Variants in TRPM3 observed in about 807,000 individuals in gnomAD.
The protein encoded by TRPM3 is long transient receptor potential channel 3.
Under a neutral mutation model 181.2 loss-of-function variants are expected in TRPM3, and 77 were observed. The ratio of observed to expected loss-of-function variants is 0.42; its 90% CI spans 0.35 to 0.51. TRPM3 has a LOEUF of 0.51. Among genes scored for constraint, TRPM3 ranks in the 20% least tolerant of loss-of-function variants. TRPM3 has a pLI of 0.01. For synonymous variants in TRPM3, 745 were observed against 796.4 expected (o/e 0.94, Z 1.09); for missense variants, 1,759 against 2,196.7 (o/e 0.80, Z 3.98).
intron 1 of TRPM3, among the ~76,000 whole-genome samples, chr9:71,038,112 T>C (rs1471691942): frequency 6.6e-6 from 1 of 152,220 alleles, no homozygotes; most frequent in Non-Finnish European, 1.5e-5. Context: ...GAGTCTAAAG[T>C]GTTTTCAAAC....
At chr9:70,912,037 T>G (rs1414419905) in intron 1 of TRPM3, among the ~76,000 whole-genome samples, 1 of 152,150 alleles carries the variant, frequency 6.6e-6, no homozygotes, top group East Asian at 1.9e-4. Flanking sequence ...AACAGAAGGA[T>G]GTCTAAAGAA....
intron 8 of TRPM3, among the ~76,000 whole-genome samples, chr9:70,742,287 T>C (rs989614017): frequency 2.0e-5 from 3 of 152,164 alleles, no homozygotes; most frequent in Admixed American, 1.3e-4. Flanking sequence ...TTATTTTCTA[T>C]ATTTCTACAA....
chr9:70,776,153 T>A (rs2081315534), intron 7 of TRPM3: 1 of 280,950 alleles, frequency 3.6e-6, no homozygotes, highest in Admixed American at 5.3e-5. Flanking sequence ...TATCCCAGCT[T>A]TGACAGAGTA....
At chr9:70,759,130 T>G (rs1265694564) in intron 8 of TRPM3, among the ~76,000 whole-genome samples, 4 of 152,084 alleles carry the variant, frequency 2.6e-5, no homozygotes, top group East Asian at 3.8e-4. Flanking sequence ...TAAACACGTT[T>G]ACAAGAAAAA....
chr9:71,188,286 A>G (rs2134976504), intron 1 of TRPM3, among the ~76,000 whole-genome samples: 1 of 152,052 alleles, frequency 6.6e-6, no homozygotes, highest in African/African-American at 2.4e-5. Context: ...ACTGGATACC[A>G]TCAAGCATCT....
chr9:71,166,747 G>A (rs1313114296), intron 1 of TRPM3, among the ~76,000 whole-genome samples: 1 of 152,210 alleles, frequency 6.6e-6, no homozygotes, highest in South Asian at 2.1e-4. Context: ...TGTTAATGTA[G>A]AAGCTCAAAT....
chr9:70,807,146 G>A (rs894901541), intron 6 of TRPM3, among the ~76,000 whole-genome samples: 12 of 152,306 alleles, frequency 7.9e-5, no homozygotes, highest in African/African-American at 2.9e-4. Flanking sequence ...CTACTAAATG[G>A]AATGATCCTG....
intron 1 of TRPM3, among the ~76,000 whole-genome samples, chr9:71,236,945 G>T (rs1467778704): frequency 1.3e-5 from 2 of 151,194 alleles, no homozygotes; most frequent in Non-Finnish European, 2.9e-5. Flanking sequence ...TACTTGGGAG[G>T]CTGAGGCATA....
At chr9:70,694,377 A>G (rs575944386) in intron 8 of TRPM3, among the ~76,000 whole-genome samples, 1 of 152,314 alleles carries the variant, frequency 6.6e-6, no homozygotes, top group Non-Finnish European at 1.5e-5. Context: ...AGAATGGTAG[A>G]AAATCAGCAT....
chr9:70,657,790 G>T (rs1439972639), intron 9 of TRPM3, among the ~76,000 whole-genome samples: 1 of 152,048 alleles, frequency 6.6e-6, no homozygotes, highest in Non-Finnish European at 1.5e-5. Context: ...CACATCTTCG[G>T]GTCTGGTAGA....
intron 1 of TRPM3, among the ~76,000 whole-genome samples, chr9:70,954,751 A>T (rs7045458): frequency 0.017 from 2,626 of 152,276 alleles, 82 homozygotes; most frequent in African/African-American, 0.058. Flanking sequence ...GCAACACTGC[A>T]CCAGCTTGTC....
intron 8 of TRPM3, among the ~76,000 whole-genome samples, chr9:70,699,348 C>G (rs893944308): frequency 2.0e-5 from 3 of 152,038 alleles, no homozygotes; most frequent in Non-Finnish European, 4.4e-5. Flanking sequence ...ATTTCAATAG[C>G]AAAGTTTGGT....
chr9:70,610,878 G>T, intron 18 of TRPM3, 129 bp from the exon 19 acceptor site: 2 of 1,120,352 alleles, frequency 1.8e-6, no homozygotes, highest in Non-Finnish European at 2.5e-6. Flanking sequence ...AGATTTAGAG[G>T]TTGTACCTTC....
In TRPM3 at chr9:70,803,058, AAC is replaced by A. The variant is rs1269371030; in HGVS notation, c.974-18781_974-18780del. On this transcript the variant is annotated intron_variant, in intron 6 of 25. Transcript: ENST00000677713. The stretch of plus-strand genomic sequence containing the variant: ...TAAAAAAAAAAAAAAAAAAAAAAAA[AAC>A]AAAGGCCCAACTCCACCAATTTTCT... Among the ~76,000 whole-genome samples, 6 of 105,826 alleles carry A rather than the reference AAC, an allele frequency of 5.7e-5. 1 individual carries two copies. The highest frequency in any genetic ancestry group is 9.5e-5 in the Non-Finnish European group (5 of 52,566). 69.4% of individuals were successfully genotyped at this position (105,826 alleles called of 152,430 possible). A position where few individuals can be genotyped will look rare whatever the true frequency, so the allele number is the denominator to read the frequency against.
Position 70,847,810 on chromosome 9 carries a change from CAGTGTGGTTTA to C in TRPM3, c.463-1230_463-1220del, listed in dbSNP as rs773591862. Reference sequence around the variant, plus strand: ...CAGGCCTTGTCTATATTCACACTATCAGTGTGGTTTAAGAATTGCCAAGCAGTGTTTAATAT... The same window carrying C: ...CAGGCCTTGTCTATATTCACACTATCAGAATTGCCAAGCAGTGTTTAATAT... On this transcript the variant is annotated intron_variant, in intron 3 of 25. Transcript: ENST00000677713. Among the ~76,000 whole-genome samples, 65 of 152,140 alleles carry C rather than the reference CAGTGTGGTTTA, an allele frequency of 4.3e-4. 1 individual carries two copies. The highest frequency in any genetic ancestry group is 1.8e-4 in the Non-Finnish European group (12 of 68,026).
chr9:71,025,004 C>T (rs1311981653), intron 1 of TRPM3, among the ~76,000 whole-genome samples: 1 of 152,192 alleles, frequency 6.6e-6, no homozygotes, highest in Non-Finnish European at 1.5e-5. Flanking sequence ...ACCAATACCT[C>T]TCACTGAACC....
rs554499276 is a variant in TRPM3, at chr9:70,654,952, G to A, written c.1346-14292C>T. Among the ~76,000 whole-genome samples the A allele has an allele frequency of 7.9e-5, 12 of 150,948 alleles. No individual in the cohort carries two copies. The South Asian group carries it at 2.3e-3, about 29-fold the overall frequency. ...CCCACCTTGGCCTCCCAAAGTGCTGGGATTACAGGCGTGAAGCACTCTGTA... is the reference window on the plus strand; with the variant it reads ...CCCACCTTGGCCTCCCAAAGTGCTGAGATTACAGGCGTGAAGCACTCTGTA... On this transcript the variant is annotated intron_variant, in intron 9 of 25. Transcript: ENST00000677713.
At chr9:70,575,396 T>C (rs9695084) in intron 22 of TRPM3, among the ~76,000 whole-genome samples, 2,770 of 152,272 alleles carry the variant, frequency 0.018, 82 homozygotes, top group African/African-American at 0.063. Context: ...ACACCTTATC[T>C]CTAAGTAGCC....
intron 9 of TRPM3, among the ~76,000 whole-genome samples, chr9:70,659,173 TA>T (rs2060774650): frequency 1.3e-5 from 2 of 152,166 alleles, no homozygotes; most frequent in South Asian, 4.1e-4. Flanking sequence ...CTGGTTATTT[TA>T]CCAAGACTTT....
Sources: gnomAD v4.1 joint callset for allele counts (sites outside exome capture counted in the v4.1 genomes callset) on GRCh38, gnomAD v4.1.1 for gene constraint, MANE v1.5 for transcripts, NCBI Gene and HGNC (gene_info 2026-07-23, HGNC 2026-07-21) for gene names.